SLC22A16: variants seen among roughly 807,000 people sequenced by gnomAD.
The protein encoded by SLC22A16 is WUGSC:RG331P03.1.
In SLC22A16, 53 loss-of-function variants were observed where a neutral mutation model predicts 52.9. The ratio of observed to expected loss-of-function variants is 1.00; its 90% confidence interval spans 0.80 to 1.26. The LOEUF (loss-of-function observed/expected upper bound fraction) is 1.26. SLC22A16 is among the 50% of genes most tolerant of loss of function. SLC22A16 has a pLI of 0.00. For synonymous variants in SLC22A16, 291 were observed against 268.8 expected, an observed-to-expected ratio of 1.08 and a Z score of -0.81; for missense variants, 726 against 704.0, an observed-to-expected ratio of 1.03 and a Z score of -0.35.
chr6:110,471,210 A>C (rs1024760257), intron 1 of SLC22A16, among the ~76,000 whole-genome samples: 2 of 152,174 alleles, frequency 1.3e-5, no homozygotes, highest in African/African-American at 4.8e-5. Flanking sequence ...AATACTTCCC[A>C]TTGTGTTACA....
intron 2 of SLC22A16, among the ~76,000 whole-genome samples, chr6:110,449,921 C>T (rs1036766004): frequency 2.0e-5 from 3 of 152,222 alleles, no homozygotes; most frequent in Admixed American, 2.0e-4. Context: ...CTTTCACAAT[C>T]TGCCCTTCTC....
chr6:110,442,794 G>T lies in SLC22A16; in HGVS notation c.652-19C>A. The T allele has an allele frequency of 6.2e-7, 1 of 1,601,176 alleles. No homozygotes were observed. Among genetic ancestry groups the T allele is most frequent in the Non-Finnish European group, 8.5e-7 (1 of 1,173,950 alleles). On this transcript the variant is annotated intron_variant, in intron 3 of 7. Coordinates refer to ENST00000368919, the MANE Select transcript of SLC22A16 (RefSeq NM_033125.4). ...TTGCAACCTGAAAAACAAATAATAG[G>T]GATTTATATTCAAGGTCACATTTAT...
At chr6:110,467,158 C>A (rs1207788506) in intron 1 of SLC22A16, among the ~76,000 whole-genome samples, 11 of 151,928 alleles carry the variant, frequency 7.2e-5, no homozygotes, top group Admixed American at 7.2e-4. Context: ...GCTGGTCTAG[C>A]CTGTTCCTCT....
rs1439508150 is a variant in SLC22A16, at chr6:110,429,920, GGGA to G, written c.1521+1248_1521+1250del. ...AAGGGGAGGAGGTGGGATGAGGACAGGGAGGAGAAGGGAAGGCTTGCAGTGGGG... is the reference window on the plus strand; with the variant it reads ...AAGGGGAGGAGGTGGGATGAGGACAGGGAGAAGGGAAGGCTTGCAGTGGGG... On this transcript the variant is annotated intron_variant, in intron 7 of 7. Transcript: ENST00000368919. Among the ~76,000 whole-genome samples, 3 of 152,082 alleles carry G rather than the reference GGGA, an allele frequency of 2.0e-5. No homozygotes were observed. In the East Asian group the frequency reaches 5.8e-4, roughly 29 times the overall value.
chr6:110,449,523 G>A (rs1432431743), intron 2 of SLC22A16, among the ~76,000 whole-genome samples: 2 of 151,976 alleles, frequency 1.3e-5, no homozygotes, highest in African/African-American at 4.8e-5. Flanking sequence ...CTTAATATAG[G>A]GATAGGACTT....
Position 110,435,861 on chromosome 6 carries a change from G to T in SLC22A16, c.1412C>A (p.Thr471Asn), listed in dbSNP as rs1315906462. The T allele has an allele frequency of 4.4e-6, 7 of 1,604,174 alleles. No homozygotes were observed. The African/African-American group carries it at 8.0e-5, about 18-fold the overall frequency. The change falls in exon 6 of 8, where the codon ACC becomes AAC. Residue 471 changes from threonine to asparagine, a missense_variant. Physicochemically the swap from Thr to Asn is moderately conservative, Grantham distance 65. Coordinates refer to ENST00000368919, the MANE Select transcript of SLC22A16 (RefSeq NM_033125.4). ...AACAATTCATCCTTACCTTACAATGGTTGGATACAGCTCAGCTGTATAAAG... is the reference window on the plus strand; with the variant it reads ...AACAATTCATCCTTACCTTACAATGTTTGGATACAGCTCAGCTGTATAAAG... ...IYLYTAELYP[T>N]IVRSLAVGSG...
In SLC22A16 at chr6:110,476,586, G is replaced by A; in HGVS notation, c.-12C>T. ...TGGCGGGACCCCATGGTGCGGCCGT[G>A]CACTGGGCGCCGAGTTAGCCGAGCT... On this transcript the variant is annotated 5_prime_UTR_variant, in exon 1 of 8. Transcript: ENST00000368919. 6.5e-7 allele frequency: 1 copy of A among 1,528,122 alleles called. No individual in the cohort carries two copies. The highest frequency in any genetic ancestry group is 8.8e-7 in the Non-Finnish European group (1 of 1,139,306). The allele number at this position is 1,528,122 out of a possible 1,614,324, so 94.7% of individuals were successfully genotyped here.
rs1415163744 is a variant in SLC22A16, at chr6:110,476,583, C to A, written c.-9G>T. 5.9e-6 allele frequency: 9 copies of A among 1,530,066 alleles called. No individual in the cohort carries two copies. The highest frequency in any genetic ancestry group is 2.6e-5 in the East Asian group (1 of 38,000). The allele number at this position is 1,530,066 out of a possible 1,614,324, so 94.8% of individuals were successfully genotyped here. ...AAGTGGCGGGACCCCATGGTGCGGCCGTGCACTGGGCGCCGAGTTAGCCGA... is the reference window on the plus strand; with the variant it reads ...AAGTGGCGGGACCCCATGGTGCGGCAGTGCACTGGGCGCCGAGTTAGCCGA... On this transcript the variant is annotated 5_prime_UTR_variant, in exon 1 of 8. Transcript: ENST00000368919.
chr6:110,453,555 A>G (rs964340863), intron 2 of SLC22A16: 3 of 451,872 alleles, frequency 6.6e-6, no homozygotes, highest in Non-Finnish European at 1.3e-5. Context: ...GGGCAGCAGC[A>G]TCTTTGTCTC....
rs150023034 is a variant in SLC22A16, at chr6:110,424,993, C to T, written c.1614G>A (p.Glu538=). 489 of 1,614,154 alleles carry T rather than the reference C, an allele frequency of 3.0e-4. 1 individual carries two copies. The highest frequency in any genetic ancestry group is 2.8e-3 in the Admixed American group (171 of 60,020). The part of the protein sequence containing the change: ...LGKRLATTWE[E]AAKLESENES... ...CATTCTCTGACTCCAGTTTTGCAGC[C>T]TCCTCCCAAGTAGTTGCTAGCCGTT... Residue 538 remains glutamate (E), a synonymous_variant, in exon 8 of 8, where the codon GAG becomes GAA. Transcript: ENST00000368919.
In SLC22A16 at chr6:110,456,852, G is replaced by A. The variant is rs1374649217; in HGVS notation, c.219C>T (p.Asp73=). 1 of 1,614,000 alleles carries A rather than the reference G, an allele frequency of 6.2e-7. No homozygotes were observed. The highest frequency in any genetic ancestry group is 8.5e-7 in the Non-Finnish European group (1 of 1,179,998). Residue 73 remains aspartate, a synonymous_variant, in exon 2 of 8, where the codon GAC becomes GAT. Transcript: ENST00000368919. ...GGCCTGAAGACAACAGGGCCCCGGTGTCCTCCAAACTCCAATTAGAGTGAT... is the reference window on the plus strand; with the variant it reads ...GGCCTGAAGACAACAGGGCCCCGGTATCCTCCAAACTCCAATTAGAGTGAT... ...FHNHSNWSLE[D]TGALLSSGQK...
intron 1 of SLC22A16, chr6:110,476,245 G>T (rs941484158): frequency 3.3e-6 from 3 of 919,802 alleles, no homozygotes; most frequent in Admixed American, 3.4e-5. Flanking sequence ...CTGCTGCCGC[G>T]GAGAGCACGC....
chr6:110,449,550 G>A (rs1305362013), intron 2 of SLC22A16, among the ~76,000 whole-genome samples: 10 of 152,088 alleles, frequency 6.6e-5, no homozygotes, highest in Non-Finnish European at 8.8e-5. Context: ...TCTTAATAGG[G>A]ATAGGACAAG....
chr6:110,474,907 G>T lies in SLC22A16; in HGVS notation c.53+1615C>A, dbSNP rs773084398. On this transcript the variant is annotated intron_variant, in intron 1 of 7. Coordinates refer to ENST00000368919, the MANE Select transcript of SLC22A16 (RefSeq NM_033125.4). ...CAGCTAATCCCTAAAAAACACAGGG[G>T]AACTAAGATGTAAGTACCACCTACC... is the stretch of plus-strand genomic sequence containing the variant. 5.8e-6 allele frequency: 3 copies of T among 518,502 alleles called. No individual in the cohort carries two copies. The Admixed American group carries it at 5.8e-5, about 10-fold the overall frequency. 32.1% of individuals were successfully genotyped at this position (518,502 alleles called of 1,614,324 possible).
At chr6:110,469,755 T>A (rs551993085) in intron 1 of SLC22A16, among the ~76,000 whole-genome samples, 152 of 151,768 alleles carry the variant, frequency 1.0e-3, no homozygotes, top group African/African-American at 3.6e-3. Context: ...TAATTTTTTG[T>A]AAAATCAAGC....
Position 110,456,811 on chromosome 6 carries a change from G to T in SLC22A16, c.260C>A (p.Thr87Lys). 6.2e-7 allele frequency: 1 copy of T among 1,614,134 alleles called. No individual in the cohort carries two copies. The highest frequency in any genetic ancestry group is 8.5e-7 in the Non-Finnish European group (1 of 1,180,030). The change falls in exon 2 of 8, where the codon ACG becomes AAG. Residue 87 changes from threonine (T) to lysine (K), a missense_variant. Transcript: ENST00000368919. ...GATCTCACCATTCTGCAACTGCACC[G>T]TAACATAATCTTTCTGGCCTGAAGA... ...LLSSGQKDYV[T>K]VQLQNGEIWE...
At chr6:110,437,890 C>T (rs1264927247) in intron 5 of SLC22A16, among the ~76,000 whole-genome samples, 1 of 152,070 alleles carries the variant, frequency 6.6e-6, no homozygotes, top group African/African-American at 2.4e-5. Context: ...AAAACAAGCT[C>T]CTTGGGGTGT....
chr6:110,426,806 C>T (rs1383435391), intron 7 of SLC22A16, among the ~76,000 whole-genome samples: 3 of 151,744 alleles, frequency 2.0e-5, no homozygotes, highest in Admixed American at 1.3e-4. Context: ...CAAAATTAGC[C>T]GGGCGAGGTG....
At chr6:110,469,529 CAG>C (rs1281814293) in intron 1 of SLC22A16, among the ~76,000 whole-genome samples, 1 of 152,212 alleles carries the variant, frequency 6.6e-6, no homozygotes. Context: ...GCCTGGGCAA[CAG>C]AGAGAGACCC....
Sources: gnomAD v4.1 joint callset for allele counts (sites outside exome capture counted in the v4.1 genomes callset) on GRCh38, gnomAD v4.1.1 for gene constraint, MANE v1.5 for transcripts, NCBI Gene and HGNC (gene_info 2026-07-23, HGNC 2026-07-21) for gene names.